The following ACSS3 variants were observed in gnomAD, a reference collection of about 807,000 sequenced individuals.
ACSS3 encodes the protein acyl-CoA synthetase short chain family member 3.
In ACSS3, 64 loss-of-function variants were observed where a neutral mutation model predicts 84.2. The ratio of observed to expected loss-of-function variants is 0.76; its 90% CI spans 0.62 to 0.94. The LOEUF (loss-of-function observed/expected upper bound fraction) is 0.94. Among genes scored for constraint, ACSS3 ranks in the 40% least tolerant of loss-of-function variants. ACSS3 has a pLI of 0.00. For synonymous variants in ACSS3, 317 were observed against 310.1 expected (o/e 1.02, Z -0.23); for missense variants, 815 against 867.6 (o/e 0.94, Z 0.76).
chr12:81,187,237 A>T (rs1249077866), intron 8 of ACSS3, among the ~76,000 whole-genome samples: 2 of 151,840 alleles, frequency 1.3e-5, no homozygotes, highest in Non-Finnish European at 2.9e-5. Flanking sequence ...AGATATTCAG[A>T]TGAACAGGTC....
intron 5 of ACSS3, among the ~76,000 whole-genome samples, chr12:81,150,685 A>C (rs1044424081): frequency 6.6e-6 from 1 of 152,146 alleles, no homozygotes; most frequent in Non-Finnish European, 1.5e-5. Context: ...AGGTGAATAA[A>C]ATAATGTTCC....
intron 13 of ACSS3, among the ~76,000 whole-genome samples, chr12:81,241,254 G>T (rs575479944): frequency 6.6e-6 from 1 of 152,088 alleles, no homozygotes; most frequent in East Asian, 1.9e-4. Flanking sequence ...ATTTGGGTTG[G>T]TTCCAAGTCT....
At chr12:81,119,996 C>T (rs1003262676) in intron 2 of ACSS3, among the ~76,000 whole-genome samples, 4 of 152,126 alleles carry the variant, frequency 2.6e-5, no homozygotes, top group Non-Finnish European at 5.9e-5. Context: ...CCAGCTGGTC[C>T]CTCCATTTGG....
chr12:81,204,673 A>C (rs993117421), intron 9 of ACSS3, among the ~76,000 whole-genome samples: 3 of 152,096 alleles, frequency 2.0e-5, no homozygotes. Context: ...AATTCAACAA[A>C]ATTCAGATTA....
At chr12:81,082,908 T>G (rs1881076917) in intron 1 of ACSS3, among the ~76,000 whole-genome samples, 1 of 152,164 alleles carries the variant, frequency 6.6e-6, no homozygotes, top group South Asian at 2.1e-4. Context: ...CCCTGACACA[T>G]ACAACTAGAT....
intron 8 of ACSS3, among the ~76,000 whole-genome samples, chr12:81,185,838 C>T (rs142535637): frequency 2.0e-5 from 3 of 151,788 alleles, no homozygotes; most frequent in East Asian, 3.9e-4. Flanking sequence ...TGGCATACTT[C>T]ACAGAAATAG....
chr12:81,248,780 T>C (rs1231065671), intron 13 of ACSS3, among the ~76,000 whole-genome samples: 2 of 151,958 alleles, frequency 1.3e-5, no homozygotes, highest in Non-Finnish European at 2.9e-5. Flanking sequence ...GAATTGATCA[T>C]TACACACTCT....
chr12:81,138,139 C>G (rs1276968891), intron 3 of ACSS3, among the ~76,000 whole-genome samples: 4 of 152,088 alleles, frequency 2.6e-5, no homozygotes, highest in Non-Finnish European at 4.4e-5. Context: ...ACATGCAATA[C>G]TTTGGGTCAA....
chr12:81,190,269 A>G (rs2031497436), intron 8 of ACSS3, among the ~76,000 whole-genome samples: 1 of 152,102 alleles, frequency 6.6e-6, no homozygotes, highest in African/African-American at 2.4e-5. Context: ...GTCCATGTTA[A>G]CAAGTATATC....
chr12:81,219,666 A>C lies in ACSS3; in HGVS notation c.1451-347A>C, dbSNP rs149101951. On this transcript the variant is annotated intron_variant, in intron 10 of 15. Coordinates refer to ENST00000548058, the MANE Select transcript of ACSS3 (RefSeq NM_024560.4). ...ATTTTTTGGTGTGTTTGAAAACTTC[A>C]TTTCCTTTACTTTTTAAAAAGCTGA... Among the ~76,000 whole-genome samples, 119 of 152,148 alleles carry C rather than the reference A, an allele frequency of 7.8e-4. 1 individual carries two copies. The East Asian group carries it at 0.017, about 21-fold the overall frequency.
chr12:81,198,145 A>T (rs1204185524), intron 8 of ACSS3, among the ~76,000 whole-genome samples: 1 of 152,202 alleles, frequency 6.6e-6, no homozygotes, highest in African/African-American at 2.4e-5. Context: ...TAGAAGAATA[A>T]GTCAAACTGG....
At chr12:81,163,277 C>A (rs1835065732) in intron 7 of ACSS3, among the ~76,000 whole-genome samples, 1 of 152,142 alleles carries the variant, frequency 6.6e-6, no homozygotes, top group African/African-American at 2.4e-5. Flanking sequence ...ATGTTTTGGT[C>A]AGTGATAGAT....
At chr12:81,229,593 A>T (rs1051738269) in intron 11 of ACSS3, among the ~76,000 whole-genome samples, 1 of 151,926 alleles carries the variant, frequency 6.6e-6, no homozygotes, top group Non-Finnish European at 1.5e-5. Context: ...AAGAGAACCC[A>T]GAGGGATTAT....
At chr12:81,210,535 T>TTTCC (rs2032551547) in intron 9 of ACSS3, among the ~76,000 whole-genome samples, 1 of 152,044 alleles carries the variant, frequency 6.6e-6, no homozygotes, top group Non-Finnish European at 1.5e-5. Flanking sequence ...ATAAGAAGGC[T>TTTCC]ATGAACCTGG....
intron 7 of ACSS3, 84 bp from the exon 8 acceptor site, chr12:81,174,704 G>A (rs2030340875): frequency 3.0e-6 from 4 of 1,351,858 alleles, no homozygotes; most frequent in Non-Finnish European, 4.1e-6. Flanking sequence ...TATTAATATT[G>A]TTGTGTTAAA....
chr12:81,162,046 C>T (rs1042008892), intron 7 of ACSS3, among the ~76,000 whole-genome samples: 3 of 152,138 alleles, frequency 2.0e-5, no homozygotes, highest in Non-Finnish European at 4.4e-5. Context: ...TTCTTGTCAC[C>T]CATAACATGA....
intron 2 of ACSS3, among the ~76,000 whole-genome samples, chr12:81,117,229 T>G (rs186885211): frequency 1.3e-5 from 2 of 152,308 alleles, no homozygotes; most frequent in Non-Finnish European, 2.9e-5. Flanking sequence ...GTGGAACACA[T>G]AATATATATT....
intron 2 of ACSS3, among the ~76,000 whole-genome samples, chr12:81,112,709 A>G (rs1010460976): frequency 2.6e-5 from 4 of 152,200 alleles, no homozygotes; most frequent in African/African-American, 9.6e-5. Flanking sequence ...AGTAGAGAAG[A>G]CAGAGAAAGA....
intron 13 of ACSS3, among the ~76,000 whole-genome samples, chr12:81,243,857 A>C (rs536578813): frequency 6.6e-6 from 1 of 152,268 alleles, no homozygotes; most frequent in South Asian, 2.1e-4. Flanking sequence ...ATTTTGAACA[A>C]ACTTATCTGT....
Sources: gnomAD v4.1 joint callset for allele counts (sites outside exome capture counted in the v4.1 genomes callset) on GRCh38, gnomAD v4.1.1 for gene constraint, MANE v1.5 for transcripts, NCBI Gene and HGNC (gene_info 2026-07-23, HGNC 2026-07-21) for gene names.